ZNF438: variants seen among roughly 807,000 people sequenced by gnomAD.
The protein encoded by ZNF438 is zinc finger protein 438.
Under a neutral mutation model 38.0 loss-of-function variants are expected in ZNF438, and 25 were observed. That is an observed-to-expected ratio of 0.66 (90% CI 0.48 to 0.92). The LOEUF is 0.92. ZNF438 is among the 40% of genes least tolerant of loss of function. The pLI, the probability that ZNF438 is intolerant of heterozygous loss-of-function variation, is 0.00. For synonymous variants in ZNF438, 372 were observed against 364.1 expected, an observed-to-expected ratio of 1.02 and a Z score of -0.25; for missense variants, 1,007 against 999.6, an observed-to-expected ratio of 1.01 and a Z score of -0.10.
intron 1 of ZNF438, among the ~76,000 whole-genome samples, chr10:31,023,240 C>T (rs1279853817): frequency 6.6e-6 from 1 of 152,098 alleles, no homozygotes; most frequent in Non-Finnish European, 1.5e-5. Flanking sequence ...TCTCTAATAA[C>T]AGCAAAAACA....
chr10:30,925,653 G>C (rs779215156), intron 2 of ZNF438, among the ~76,000 whole-genome samples: 2 of 152,140 alleles, frequency 1.3e-5, no homozygotes, highest in African/African-American at 2.4e-5. Flanking sequence ...ATGTGGCCTT[G>C]TGAGTAGTTC....
At chr10:30,867,884 C>T (rs2036724181) in intron 4 of ZNF438, among the ~76,000 whole-genome samples, 1 of 151,902 alleles carries the variant, frequency 6.6e-6, no homozygotes, top group Non-Finnish European at 1.5e-5. Context: ...AGAATATGAA[C>T]CAAATAAAAT....
rs58667684 is a variant in ZNF438 at position 31,027,904 on chromosome 10, G to T, written c.-192+3929C>A. On this transcript the variant is annotated intron_variant, in intron 1 of 5. Transcript: ENST00000413025. ...TTCTGAAATTAACCATAAAATCTAC[G>T]GCAGTGCAATTTTATATAATTCTTA... Among the ~76,000 whole-genome samples, 256 of 151,720 alleles carry T rather than the reference G, an allele frequency of 1.7e-3. 2 individuals carry two copies. Among genetic ancestry groups the T allele is most frequent in the African/African-American group, 5.5e-3 (226 of 41,350 alleles).
rs981525512 is a variant in ZNF438, at chr10:30,852,271, C to T, written c.38-1904G>A. The stretch of plus-strand genomic sequence containing the variant: ...TATTGCTTAGGTGAGTGCAATGGTG[C>T]GATCTCGGCTCACAGCAACCTCTGC... On this transcript the variant is annotated intron_variant, in intron 4 of 5. Transcript: ENST00000413025. Among the ~76,000 whole-genome samples, 11 of 150,074 alleles carry T rather than the reference C, an allele frequency of 7.3e-5. No individual in the cohort carries two copies. The East Asian group carries it at 9.9e-4, about 13-fold the overall frequency.
chr10:30,850,224 G>A lies in ZNF438; in HGVS notation c.181C>T (p.Gln61Ter). The A allele has an allele frequency of 6.2e-7, 1 of 1,614,170 alleles. No individual in the cohort carries two copies. The highest frequency in any genetic ancestry group is 8.5e-7 in the Non-Finnish European group (1 of 1,180,028). ...TTGATGGAGGGTCCCAGATTCACCT[G>A]ATCAGAGCGTGATGGTGAATGACAT... is the stretch of plus-strand genomic sequence containing the variant. Residue 61 changes from glutamine to a stop codon, truncating the protein, a stop_gained, in exon 5 of 6, where the codon CAG becomes TAG. Transcript: ENST00000413025. LOFTEE classifies it high-confidence loss of function.
At chr10:31,028,477 ATTCTTT>A (rs1174204551) in intron 1 of ZNF438, among the ~76,000 whole-genome samples, 1 of 152,214 alleles carries the variant, frequency 6.6e-6, no homozygotes, top group African/African-American at 2.4e-5. Context: ...ATTTTGAGTA[ATTCTTT>A]TGTTGAAAAG....
In ZNF438 at chr10:30,851,044, TTA is replaced by T. The variant is rs2033527954; in HGVS notation, c.38-679_38-678del. Among the ~76,000 whole-genome samples the T allele has an allele frequency of 2.6e-5, 4 of 152,326 alleles. No individual in the cohort carries two copies. In the South Asian group the frequency reaches 8.3e-4, roughly 32 times the overall value. ...TTTCTTCTCACACCTTTCAAACTGT[TTA>T]TGTGTGCTTTTGCAATTAAATCACC... On this transcript the variant is annotated intron_variant, in intron 4 of 5. Coordinates refer to ENST00000413025, the Ensembl canonical transcript of ZNF438.
At chr10:30,922,835 C>CAAAAA (rs1216963223) in intron 2 of ZNF438, among the ~76,000 whole-genome samples, 6 of 110,934 alleles carry the variant, frequency 5.4e-5, no homozygotes, top group African/African-American at 2.0e-4. Flanking sequence ...AACTTTGTCT[C>CAAAAA]AAAAAAAAAA....
chr10:30,847,616 A>C (rs1588715852), intron 5 of ZNF438, among the ~76,000 whole-genome samples: 1 of 60,048 alleles, frequency 1.7e-5, no homozygotes, highest in Non-Finnish European at 4.0e-5. Flanking sequence ...GCAGGTGAAG[A>C]GAAGAGCTGC....
At chr10:30,845,910 C>T (rs925888330) in intron 5 of ZNF438, among the ~76,000 whole-genome samples, 3 of 152,168 alleles carry the variant, frequency 2.0e-5, no homozygotes, top group African/African-American at 7.2e-5. Context: ...GTGAAGGGCA[C>T]GGGAACACCC....
chr10:30,902,114 G>A (rs1459922381), intron 3 of ZNF438, among the ~76,000 whole-genome samples: 1 of 152,142 alleles, frequency 6.6e-6, no homozygotes, highest in Admixed American at 6.5e-5. Context: ...AGCTTCCACA[G>A]TGTGGAAGAC....
Position 30,899,662 on chromosome 10 carries a change from A to C in ZNF438, c.-32+9271T>G, listed in dbSNP as rs376198704. 3.3e-4 allele frequency among the ~76,000 whole-genome samples: 50 copies of C among 150,372 alleles called. 1 individual carries two copies. The highest frequency in any genetic ancestry group is 1.1e-3 in the African/African-American group (44 of 41,116). ...TACTGAACCTCCTCCCCACCCCCCCACACACAGGGCACACAGAGTCAGACT... is the reference window on the plus strand; with the variant it reads ...TACTGAACCTCCTCCCCACCCCCCCCCACACAGGGCACACAGAGTCAGACT... On this transcript the variant is annotated intron_variant, in intron 3 of 5. Coordinates refer to ENST00000413025, the Ensembl canonical transcript of ZNF438.
In ZNF438 at chr10:30,958,909, T is replaced by C. The variant is rs533179618; in HGVS notation, c.-191-17258A>G. 3.6e-4 allele frequency among the ~76,000 whole-genome samples: 53 copies of C among 147,740 alleles called. 5 individuals carry two copies. The highest frequency in any genetic ancestry group is 7.5e-4 in the Non-Finnish European group (49 of 65,052). On this transcript the variant is annotated intron_variant, in intron 1 of 5. Coordinates refer to ENST00000413025, the Ensembl canonical transcript of ZNF438. ...CAATATTTTCTTCCTTTTTCATTGC[T>C]GAATAGTATTCCAATGTATAGATAT...
At chr10:31,012,083 C>T (rs1480524110) in intron 1 of ZNF438, among the ~76,000 whole-genome samples, 1 of 151,832 alleles carries the variant, frequency 6.6e-6, no homozygotes, top group South Asian at 2.1e-4. Flanking sequence ...GCTCAGAGGT[C>T]ACTTCTCAGA....
intron 2 of ZNF438, among the ~76,000 whole-genome samples, chr10:30,914,030 T>C (rs2043335361): frequency 2.0e-5 from 3 of 152,166 alleles, no homozygotes; most frequent in Admixed American, 2.0e-4. Flanking sequence ...TATTTTGCAT[T>C]ATTGCTTCAC....
intron 1 of ZNF438, among the ~76,000 whole-genome samples, chr10:30,949,454 G>T (rs1251041411): frequency 6.6e-6 from 1 of 152,146 alleles, no homozygotes; most frequent in African/African-American, 2.4e-5. Context: ...ACACAGACTG[G>T]CAAATTGGAC....
chr10:30,861,797 TA>T (rs2035627341), intron 4 of ZNF438, among the ~76,000 whole-genome samples: 1 of 152,246 alleles, frequency 6.6e-6, no homozygotes, highest in Non-Finnish European at 1.5e-5. Context: ...TAAAGTTGTT[TA>T]TTTTTTGGCA....
At chr10:30,977,751 G>A (rs904759555) in intron 1 of ZNF438, among the ~76,000 whole-genome samples, 6 of 152,090 alleles carry the variant, frequency 3.9e-5, no homozygotes, top group South Asian at 2.1e-4. Flanking sequence ...TTGGGAGGCC[G>A]AGGCTAGCGG....
At chr10:30,879,313 T>C (rs1469258013) in intron 3 of ZNF438, among the ~76,000 whole-genome samples, 3 of 152,190 alleles carry the variant, frequency 2.0e-5, no homozygotes, top group East Asian at 3.8e-4. Context: ...ATTTCTCTGG[T>C]TTCACGTAAA....
Sources: gnomAD v4.1 joint callset for allele counts (sites outside exome capture counted in the v4.1 genomes callset) on GRCh38, gnomAD v4.1.1 for gene constraint, MANE v1.5 for transcripts, NCBI Gene and HGNC (gene_info 2026-07-23, HGNC 2026-07-21) for gene names.